RABGAP1: variants seen among roughly 807,000 people sequenced by gnomAD.
RABGAP1 encodes rab GTPase-activating protein 1.
Under a neutral mutation model 137.6 loss-of-function variants are expected in RABGAP1, and 23 were observed. That is an observed-to-expected ratio of 0.17 (90% CI 0.12 to 0.24). The LOEUF (loss-of-function observed/expected upper bound fraction) is 0.24, where lower values mean the gene tolerates loss of function less well. Ranked by LOEUF, RABGAP1 falls within the 10% of genes least tolerant of loss-of-function variation. RABGAP1 has a pLI of 1.00. For missense variants in RABGAP1, 906 were observed against 1,275.8 expected (o/e 0.71, Z 4.42); for synonymous variants, 451 against 450.7 (o/e 1.00, Z -0.01).
rs149137170 is a variant in RABGAP1 at position 123,080,495 on chromosome 9, G to T, written c.2424+3733G>T. Among the ~76,000 whole-genome samples the T allele has an allele frequency of 3.0e-3, 454 of 152,276 alleles. 7 individuals are homozygous for T. The highest frequency in any genetic ancestry group is 5.0e-3 in the Admixed American group (77 of 15,296). ...AGTTAGTGATGATTTGTTGTCTTCTGGCAGCTATACTTAATACCAAAAAAT... is the reference window on the plus strand; with the variant it reads ...AGTTAGTGATGATTTGTTGTCTTCTTGCAGCTATACTTAATACCAAAAAAT... On this transcript the variant is annotated intron_variant, in intron 19 of 25. Coordinates refer to ENST00000373647, the MANE Select transcript of RABGAP1 (RefSeq NM_012197.4).
the RABGAP1 span, among the ~76,000 whole-genome samples, chr9:122,932,278 C>G: frequency 6.6e-6 from 1 of 152,046 alleles, no homozygotes; most frequent in South Asian, 2.1e-4. Flanking sequence ...TTACTTTAAT[C>G]ATTTGTAAGT....
intron 2 of RABGAP1, among the ~76,000 whole-genome samples, chr9:122,960,355 G>A (rs1279661608): frequency 2.0e-5 from 3 of 152,218 alleles, no homozygotes; most frequent in Non-Finnish European, 4.4e-5. Context: ...TAACAAGCTA[G>A]TTGTGGTCAG....
upstream of RABGAP1, chr9:122,939,263 A>C: frequency 6.6e-6 from 1 of 152,124 alleles, no homozygotes; most frequent in East Asian, 1.9e-4. Context: ...CATTTTGAAA[A>C]AAAAAATACA....
intron 2 of RABGAP1, among the ~76,000 whole-genome samples, chr9:122,968,850 G>T (rs765727151): frequency 5.9e-5 from 9 of 151,864 alleles, no homozygotes; most frequent in Non-Finnish European, 8.8e-5. Context: ...CCTGACCTCA[G>T]ATGATCCACC....
intron 16 of RABGAP1, 31 bp downstream of exon 16, chr9:123,073,708 A>G (rs779749875): frequency 8.1e-6 from 13 of 1,613,006 alleles, no homozygotes; most frequent in African/African-American, 1.3e-5. Flanking sequence ...GTGTTTGACA[A>G]AAAGAGTACA....
At chr9:122,967,551 A>T (rs896677812) in intron 2 of RABGAP1, among the ~76,000 whole-genome samples, 1 of 152,212 alleles carries the variant, frequency 6.6e-6, no homozygotes, top group African/African-American at 2.4e-5. Context: ...AGCAGTAAAT[A>T]TGCAAGTAAA....
intron 19 of RABGAP1, among the ~76,000 whole-genome samples, chr9:123,078,411 G>A (rs765824626): frequency 9.9e-5 from 15 of 152,048 alleles, no homozygotes; most frequent in Non-Finnish European, 1.5e-4. Context: ...GATTAGCGAC[G>A]ATATCGTATG....
At chr9:122,933,919 T>C in the RABGAP1 span, among the ~76,000 whole-genome samples, 1 of 99,210 alleles carries the variant, frequency 1.0e-5, no homozygotes, top group Non-Finnish European at 2.1e-5. Flanking sequence ...CAGCCCTTTT[T>C]CCTTGAATTA....
chr9:123,011,398 A>G (rs1158227237), intron 11 of RABGAP1, among the ~76,000 whole-genome samples: 1 of 152,210 alleles, frequency 6.6e-6, no homozygotes, highest in Admixed American at 6.5e-5. Flanking sequence ...TAACAAAAGC[A>G]TGGGGATGGC....
At position 122,989,359 on chromosome 9, in the gene RABGAP1, G is replaced by A; in HGVS notation, c.653G>A (p.Cys218Tyr). 2 of 1,613,792 alleles carry A rather than the reference G, an allele frequency of 1.2e-6. No homozygotes were observed. The highest frequency in any genetic ancestry group is 4.5e-5 in the East Asian group (2 of 44,854). ...ANYPIYKILF[C>Y]VRGHDGTPES... ...TACCCTATCTACAAAATCCTCTTCTGTGTCAGAGGGCATGATGGAACTCCT... is the reference window on the plus strand; with the variant it reads ...TACCCTATCTACAAAATCCTCTTCTATGTCAGAGGGCATGATGGAACTCCT... Residue 218 changes from cysteine to tyrosine, a missense_variant, in exon 5 of 26, where the codon TGT becomes TAT. Physicochemically the swap from Cys to Tyr is radical, Grantham distance 194. Coordinates refer to ENST00000373647, the MANE Select transcript of RABGAP1 (RefSeq NM_012197.4).
intron 8 of RABGAP1, 63 bp from the exon 9 acceptor site, chr9:122,997,196 A>G (rs1316430340): frequency 5.5e-6 from 7 of 1,271,742 alleles, no homozygotes; most frequent in African/African-American, 3.0e-5. Flanking sequence ...AGGCAGCAAG[A>G]TGGGGGTTAA....
Position 122,941,058 on chromosome 9 carries a change from G to C in RABGAP1, c.-85G>C, listed in dbSNP as rs1244938657. The stretch of plus-strand genomic sequence containing the variant: ...CAGGCGGCGGAGCCTCCGGGACGGC[G>C]AGCGGCGGGCGGCGGAGGAGGAGAC... On this transcript the variant is annotated 5_prime_UTR_variant, in exon 1 of 26. Coordinates refer to ENST00000373647, the MANE Select transcript of RABGAP1 (RefSeq NM_012197.4). The C allele has an allele frequency of 1.3e-5, 2 of 153,210 alleles. No homozygotes were observed. Among genetic ancestry groups the C allele is most frequent in the African/African-American group, 4.8e-5 (2 of 41,442 alleles). 9.5% of individuals were successfully genotyped at this position (153,210 alleles called of 1,614,324 possible). A position where few individuals can be genotyped will look rare whatever the true frequency, so the allele number is the denominator to read the frequency against.
At chr9:122,935,096 T>G in the RABGAP1 span, among the ~76,000 whole-genome samples, 2 of 152,206 alleles carry the variant, frequency 1.3e-5, no homozygotes, top group Non-Finnish European at 1.5e-5. Flanking sequence ...TGTGTTAGTG[T>G]TAGTTGATTT....
intron 13 of RABGAP1, among the ~76,000 whole-genome samples, chr9:123,023,304 C>G (rs1330164039): frequency 6.6e-6 from 1 of 152,148 alleles, no homozygotes; most frequent in Admixed American, 6.5e-5. Flanking sequence ...CATCAGCCTC[C>G]CAAGTAGCTG....
chr9:122,975,300 A>G (rs1409189302), intron 2 of RABGAP1, among the ~76,000 whole-genome samples: 3 of 152,228 alleles, frequency 2.0e-5, no homozygotes, highest in African/African-American at 7.2e-5. Flanking sequence ...TGGCAAATCA[A>G]GTGGGGCCAA....
chr9:123,076,735 A>T lies in RABGAP1; in HGVS notation c.2397A>T (p.Lys799Asn). 4 of 1,603,178 alleles carry T rather than the reference A, an allele frequency of 2.5e-6. No individual in the cohort carries two copies. The highest frequency in any genetic ancestry group is 3.4e-6 in the Non-Finnish European group (4 of 1,174,886). ...KRYRSEENAK[K>N]LMELACNMKI... Reference sequence around the variant, plus strand: ...ACCGCTCAGAAGAAAATGCAAAAAAACTAATGGAATTAGCCTGCAACATGA... The same window carrying T: ...ACCGCTCAGAAGAAAATGCAAAAAATCTAATGGAATTAGCCTGCAACATGA... Residue 799 changes from lysine to asparagine, a missense_variant, in exon 19 of 26, where the codon AAA (lysine) becomes AAT (asparagine). Around this residue, in one of 9 missense-constraint regions of RABGAP1, gnomAD observed 77 missense variants for 105.6 expected, o/e 0.73. Transcript: ENST00000373647.
intron 13 of RABGAP1, among the ~76,000 whole-genome samples, chr9:123,049,104 GTCA>G (rs1402207475): frequency 6.6e-6 from 1 of 152,210 alleles, no homozygotes; most frequent in Non-Finnish European, 1.5e-5. Flanking sequence ...TTCTGAGGAA[GTCA>G]TCTGCTTTTC....
At chr9:123,010,845 T>C (rs1047092859) in intron 11 of RABGAP1, among the ~76,000 whole-genome samples, 1 of 152,178 alleles carries the variant, frequency 6.6e-6, no homozygotes, top group Non-Finnish European at 1.5e-5. Context: ...CCTAAAGAAA[T>C]GTTCCTATCT....
At chr9:123,047,822 G>A (rs1046230466) in intron 13 of RABGAP1, among the ~76,000 whole-genome samples, 2 of 151,040 alleles carry the variant, frequency 1.3e-5, no homozygotes, top group African/African-American at 4.9e-5. Context: ...CACTGATGGA[G>A]CTGTTACATG....
Sources: gnomAD v4.1 joint callset for allele counts (sites outside exome capture counted in the v4.1 genomes callset) on GRCh38, gnomAD v4.1.1 for gene constraint, gnomAD v4.1.1 regional missense constraint, MANE v1.5 for transcripts, NCBI Gene and HGNC (gene_info 2026-07-23, HGNC 2026-07-21) for gene names.